The following PREX2 variants were observed in gnomAD, a reference collection of about 807,000 sequenced individuals.
PREX2 encodes the protein phosphatidylinositol 3,4,5-trisphosphate-dependent Rac exchanger 2 protein.
PREX2 carries 107 observed loss-of-function variants against 203.2 expected under a neutral mutation model. That is an observed-to-expected ratio of 0.53 (90% confidence interval 0.45 to 0.62). The LOEUF (loss-of-function observed/expected upper bound fraction) is 0.62, where lower values mean the gene tolerates loss of function less well. Among genes scored for constraint, PREX2 ranks in the 20% least tolerant of loss-of-function variants. The pLI, the probability that PREX2 is intolerant of heterozygous loss-of-function variation, is 0.00. For synonymous variants in PREX2, 672 were observed against 663.6 expected (o/e 1.01, Z -0.19); for missense variants, 1,777 against 1,955.9 (o/e 0.91, Z 1.72).
At chr8:68,139,777 A>C (rs1811189765) in intron 33 of PREX2, among the ~76,000 whole-genome samples, 1 of 152,236 alleles carries the variant, frequency 6.6e-6, no homozygotes, top group African/African-American at 2.4e-5. Context: ...TGAATGAGGA[A>C]GAGAACAAGA....
rs1810741987 is a variant in PREX2 at position 68,120,210 on chromosome 8, C to T, written c.3519C>T (p.Thr1173=). ...EHLFSQVDSI[T]NLLKGQAVVR... is the part of the protein sequence containing the mutation. ...ACTATTGATAGGTGGATTCAATTAC[C>T]AATCTCCTAAAAGGGCAGGCTGTTG... The change falls in exon 29 of 40, where the codon ACC becomes ACT. Residue 1173 remains threonine (T), a synonymous_variant. Transcript: ENST00000288368. 1.2e-6 allele frequency: 2 copies of T among 1,611,270 alleles called. No individual in the cohort carries two copies. Among genetic ancestry groups the T allele is most frequent in the South Asian group, 1.1e-5 (1 of 90,982 alleles).
intron 31 of PREX2, among the ~76,000 whole-genome samples, chr8:68,131,585 G>T (rs1190142929): frequency 6.6e-6 from 1 of 152,030 alleles, no homozygotes; most frequent in Non-Finnish European, 1.5e-5. Context: ...GACGTTAATT[G>T]CAATCAGTTC....
chr8:68,018,375 G>A (rs753264560), intron 2 of PREX2, among the ~76,000 whole-genome samples: 18 of 152,178 alleles, frequency 1.2e-4, no homozygotes, highest in Non-Finnish European at 2.5e-4. Context: ...GCTGAGGCAG[G>A]AGAATTGCTT....
intron 1 of PREX2, among the ~76,000 whole-genome samples, chr8:67,981,222 G>A (rs968790367): frequency 1.3e-5 from 2 of 152,120 alleles, no homozygotes; most frequent in Non-Finnish European, 2.9e-5. Context: ...TAAAAGAAGC[G>A]AATGTCTTGT....
chr8:68,140,690 A>G lies in PREX2; in HGVS notation c.4087+2173A>G, dbSNP rs76911714. Among the ~76,000 whole-genome samples, 158 of 151,854 alleles carry G rather than the reference A, an allele frequency of 1.0e-3. 1 individual carries two copies. The East Asian group carries it at 0.021, about 20-fold the overall frequency. ...GAATCTTGGCTTCATTCTTATCTTTAAGCATGAGAACTATAGCTTTCCCTA... is the reference window on the plus strand; with the variant it reads ...GAATCTTGGCTTCATTCTTATCTTTGAGCATGAGAACTATAGCTTTCCCTA... On this transcript the variant is annotated intron_variant, in intron 33 of 39. Transcript: ENST00000288368.
rs542976081 is a variant in PREX2 at position 68,202,525 on chromosome 8, G to A, written c.4604+10000G>A. Among the ~76,000 whole-genome samples, 30 of 152,250 alleles carry A rather than the reference G, an allele frequency of 2.0e-4. No homozygotes were observed. The South Asian group carries it at 5.2e-3, about 26-fold the overall frequency. ...TCATGGTCTGTAATGGGACAAGGAC[G>A]GAGGCAGGGAGACAGCAGGATTTTA... is the stretch of plus-strand genomic sequence containing the variant. On this transcript the variant is annotated intron_variant, in intron 37 of 39. Coordinates refer to ENST00000288368, the MANE Select transcript of PREX2 (RefSeq NM_024870.4).
intron 1 of PREX2, among the ~76,000 whole-genome samples, chr8:67,955,336 T>C (rs1805471859): frequency 6.6e-6 from 1 of 152,124 alleles, no homozygotes; most frequent in Admixed American, 6.6e-5. Flanking sequence ...AGCTAAGGTA[T>C]GGGTCTATCT....
intron 25 of PREX2, among the ~76,000 whole-genome samples, chr8:68,115,362 G>A (rs1358867580): frequency 1.3e-5 from 2 of 152,150 alleles, no homozygotes; most frequent in Non-Finnish European, 2.9e-5. Flanking sequence ...GGTGATGGTT[G>A]TGCTAATGGC....
intron 35 of PREX2, among the ~76,000 whole-genome samples, chr8:68,173,257 CA>C (rs1286767208): frequency 2.0e-5 from 3 of 152,134 alleles, no homozygotes; most frequent in African/African-American, 7.2e-5. Context: ...GTTTTATATC[CA>C]AAAAATTCCA....
intron 22 of PREX2, 122 bp downstream of exon 22, chr8:68,097,323 C>CTT: frequency 1.4e-6 from 1 of 724,530 alleles, no homozygotes. Flanking sequence ...CTCATTCAAA[C>CTT]TTCTTTTTTT....
chr8:68,053,062 A>G (rs773527850), intron 8 of PREX2, 35 bp from the exon 9 acceptor site: 3 of 1,590,400 alleles, frequency 1.9e-6, no homozygotes, highest in East Asian at 2.2e-5. Context: ...TGTGTATTAC[A>G]TTTTGTTCAT....
intron 4 of PREX2, among the ~76,000 whole-genome samples, chr8:68,026,063 G>A (rs1377961098): frequency 6.6e-6 from 1 of 152,048 alleles, no homozygotes; most frequent in Non-Finnish European, 1.5e-5. Flanking sequence ...ACCATATATA[G>A]TTTGAAAGAA....
chr8:67,957,946 A>C (rs1805533646), intron 1 of PREX2, among the ~76,000 whole-genome samples: 1 of 152,330 alleles, frequency 6.6e-6, no homozygotes, highest in East Asian at 1.9e-4. Flanking sequence ...AGTCCTTCAA[A>C]GAAGAGGAGA....
chr8:68,118,890 A>G (rs1810711759), intron 27 of PREX2: 1 of 630,114 alleles, frequency 1.6e-6, no homozygotes, highest in African/African-American at 1.8e-5. Context: ...GATATGCTCC[A>G]TTATCTCTGT....
At chr8:68,190,519 CA>C (rs1431600571) in intron 35 of PREX2, among the ~76,000 whole-genome samples, 9 of 152,042 alleles carry the variant, frequency 5.9e-5, no homozygotes, top group Admixed American at 5.9e-4. Context: ...CCCACTTACA[CA>C]GAGATAGAAG....
chr8:67,984,144 C>A (rs1806347744), intron 1 of PREX2, among the ~76,000 whole-genome samples: 1 of 152,200 alleles, frequency 6.6e-6, no homozygotes, highest in Admixed American at 6.5e-5. Context: ...TTCCACATCA[C>A]CCTTTCCACC....
intron 35 of PREX2, among the ~76,000 whole-genome samples, chr8:68,165,629 C>G (rs905008091): frequency 2.6e-5 from 4 of 151,992 alleles, no homozygotes; most frequent in Non-Finnish European, 4.4e-5. Context: ...TGGGTATGTA[C>G]TGTTTACCTC....
intron 37 of PREX2, 42 bp from the exon 38 acceptor site, chr8:68,217,574 C>T (rs1290632781): frequency 7.0e-7 from 1 of 1,437,934 alleles, no homozygotes; most frequent in South Asian, 1.1e-5. Context: ...AAGGGTGTAT[C>T]AGGAACCATG....
Position 68,019,585 on chromosome 8 carries a change from C to A in PREX2, c.250C>A (p.His84Asn). ...AAACATTGAAGACATCCTTGCAGTA[C>A]ATAAAGAATTCTTAAAAGTCGTGGA... ...FSNIEDILAV[H>N]KEFLKVVEEC... Residue 84 changes from histidine (H) to asparagine (N), a missense_variant, in exon 3 of 40, where the codon CAT (histidine) becomes AAT (asparagine). Coordinates refer to ENST00000288368, the MANE Select transcript of PREX2 (RefSeq NM_024870.4). The A allele has an allele frequency of 6.2e-7, 1 of 1,612,524 alleles. No individual in the cohort carries two copies. The highest frequency in any genetic ancestry group is 1.7e-4 in the Middle Eastern group (1 of 6,058).
Sources: gnomAD v4.1 joint callset for allele counts (sites outside exome capture counted in the v4.1 genomes callset) on GRCh38, gnomAD v4.1.1 for gene constraint, MANE v1.5 for transcripts, NCBI Gene and HGNC (gene_info 2026-07-23, HGNC 2026-07-21) for gene names.